The following REEP1 variants were observed in gnomAD, a reference collection of about 807,000 sequenced individuals.
REEP1 encodes receptor expression-enhancing protein 1.
REEP1 carries 22 observed loss-of-function variants against 40.3 expected under a neutral mutation model. The observed-to-expected ratio is 0.55, with a 90% CI of 0.39 to 0.78. REEP1 has a LOEUF of 0.78. Among genes scored for constraint, REEP1 ranks in the 30% least tolerant of loss-of-function variants. The probability of loss-of-function intolerance (pLI) is 0.00; values close to 1 mark genes in which losing one functional copy is unlikely to be tolerated. For missense variants in REEP1, 280 were observed against 361.1 expected (o/e 0.78, Z 1.82); for synonymous variants, 116 against 139.2 (o/e 0.83, Z 1.17).
intron 5 of REEP1, among the ~76,000 whole-genome samples, chr2:86,248,454 T>C (rs912644715): frequency 6.6e-6 from 1 of 152,040 alleles, no homozygotes; most frequent in Non-Finnish European, 1.5e-5. Flanking sequence ...TTTACTTATT[T>C]ATTTATTTAT....
chr2:86,227,421 C>G, intron 6 of REEP1, 23 bp from the exon 7 acceptor site: 2 of 1,232,308 alleles, frequency 1.6e-6, no homozygotes, highest in Non-Finnish European at 2.0e-6. Context: ...GGTAGGGGCA[C>G]CATCAGTGAC....
rs79385509 is a variant in REEP1, at chr2:86,219,039, G to T, written c.783+931C>A. 4.2e-3 allele frequency among the ~76,000 whole-genome samples: 634 copies of T among 152,322 alleles called. 10 individuals are homozygous for T. Among genetic ancestry groups the T allele is most frequent in the African/African-American group, 0.015 (613 of 41,566 alleles). On this transcript the variant is annotated intron_variant, in intron 8 of 8. Coordinates refer to ENST00000538924, the MANE Select transcript of REEP1 (RefSeq NM_001371279.1). ...CTGGGGTCCCTGCACCTGTGCTCAT[G>T]ACTGGTGACTCCCTACCCACATCAC...
chr2:86,323,439 CAGG>C (rs979728723), intron 1 of REEP1, among the ~76,000 whole-genome samples: 3 of 152,162 alleles, frequency 2.0e-5, no homozygotes, highest in Admixed American at 6.5e-5. Flanking sequence ...GGCTGCACAG[CAGG>C]AGGTGAGCAG....
chr2:86,326,190 A>C (rs181358844), intron 1 of REEP1, among the ~76,000 whole-genome samples: 2 of 152,310 alleles, frequency 1.3e-5, no homozygotes, highest in Admixed American at 1.3e-4. Context: ...ATGTGACCTC[A>C]TAAACTTCTC....
At chr2:86,271,661 A>G (rs1574064092) in intron 2 of REEP1, among the ~76,000 whole-genome samples, 1 of 152,232 alleles carries the variant, frequency 6.6e-6, no homozygotes, top group Non-Finnish European at 1.5e-5. Flanking sequence ...AGGTAGGTTT[A>G]GTCCATCAAA....
intron 3 of REEP1, among the ~76,000 whole-genome samples, chr2:86,258,847 C>G (rs1258105723): frequency 2.0e-5 from 3 of 152,314 alleles, no homozygotes; most frequent in African/African-American, 7.2e-5. Flanking sequence ...CACTGGAGCA[C>G]AGGGCAGTTG....
intron 5 of REEP1, among the ~76,000 whole-genome samples, chr2:86,244,131 C>T (rs1675808789): frequency 6.6e-6 from 1 of 152,144 alleles, no homozygotes; most frequent in Non-Finnish European, 1.5e-5. Context: ...GAAAGCAAAA[C>T]AAAGGCAAGG....
intron 1 of REEP1, among the ~76,000 whole-genome samples, chr2:86,283,057 C>T (rs1183907963): frequency 6.6e-6 from 1 of 152,162 alleles, no homozygotes; most frequent in Non-Finnish European, 1.5e-5. Context: ...ATCCCAGCTC[C>T]AATATGACTT....
intron 1 of REEP1, among the ~76,000 whole-genome samples, chr2:86,334,034 C>T (rs1680892661): frequency 1.3e-5 from 2 of 152,362 alleles, no homozygotes; most frequent in East Asian, 3.9e-4. Context: ...AGCCACTCTG[C>T]TTGTCCCCAG....
chr2:86,280,559 G>A (rs111844084), intron 2 of REEP1, among the ~76,000 whole-genome samples: 3,449 of 152,290 alleles, frequency 0.023, 70 homozygotes, highest in Middle Eastern at 0.051. Context: ...GGAGAGGGAG[G>A]GCTAGGAGAA....
At chr2:86,244,375 G>A (rs1286310696) in intron 5 of REEP1, among the ~76,000 whole-genome samples, 1 of 151,918 alleles carries the variant, frequency 6.6e-6, no homozygotes, top group Non-Finnish European at 1.5e-5. Flanking sequence ...AGGAAAGAGT[G>A]GGAAAATTTT....
intron 1 of REEP1, among the ~76,000 whole-genome samples, chr2:86,331,478 A>AGAAT (rs1265721040): frequency 6.6e-6 from 1 of 152,020 alleles, no homozygotes; most frequent in Non-Finnish European, 1.5e-5. Flanking sequence ...AGTATGCAGG[A>AGAAT]GAATGCCTAA....
chr2:86,327,502 C>G (rs11127029), intron 1 of REEP1, among the ~76,000 whole-genome samples: 102,160 of 151,338 alleles, frequency 0.68, 36,237 homozygotes, highest in East Asian at 0.91. Context: ...ATGGTAAGGA[C>G]TTTGAGTTTT....
chr2:86,236,751 T>C (rs1243248475), intron 5 of REEP1, among the ~76,000 whole-genome samples: 1 of 152,156 alleles, frequency 6.6e-6, no homozygotes, highest in African/African-American at 2.4e-5. Flanking sequence ...TTTTTTTTTT[T>C]TTCGAGATGG....
chr2:86,321,783 AG>A (rs912757166), intron 1 of REEP1, among the ~76,000 whole-genome samples: 35 of 152,238 alleles, frequency 2.3e-4, no homozygotes, highest in African/African-American at 8.2e-4. Context: ...ATCACTTGAG[AG>A]TGACAAAATA....
Position 86,252,178 on chromosome 2 carries a change from C to G in REEP1, c.304-108G>C. On this transcript the variant is annotated intron_variant, in intron 4 of 8. Transcript: ENST00000538924. The stretch of plus-strand genomic sequence containing the variant: ...CTTGGCAGCTTGCCCAATCCTTGTT[C>G]TTGCTGGGCCTGAAAAGCTGTAGGC... The G allele has an allele frequency of 3.7e-6, 3 of 809,810 alleles. No individual in the cohort carries two copies. The South Asian group carries it at 4.1e-5, about 11-fold the overall frequency. 50.2% of individuals were successfully genotyped at this position (809,810 alleles called of 1,614,324 possible).
At chr2:86,228,817 C>T (rs1674862431) in intron 6 of REEP1, among the ~76,000 whole-genome samples, 1 of 152,202 alleles carries the variant, frequency 6.6e-6, no homozygotes, top group Non-Finnish European at 1.5e-5. Context: ...ATTCTCCTTC[C>T]TCCTCAAGGA....
intron 2 of REEP1, among the ~76,000 whole-genome samples, chr2:86,277,100 T>A (rs980555354): frequency 2.0e-5 from 3 of 152,050 alleles, no homozygotes; most frequent in Non-Finnish European, 1.5e-5. Context: ...CTCACGCCAG[T>A]AGGAAATAGA....
At chr2:86,252,721 G>A (rs1676354148) in intron 4 of REEP1, among the ~76,000 whole-genome samples, 1 of 152,114 alleles carries the variant, frequency 6.6e-6, no homozygotes, top group Non-Finnish European at 1.5e-5. Flanking sequence ...CACCCCATTT[G>A]TATATCGATG....
Sources: gnomAD v4.1 joint callset for allele counts (sites outside exome capture counted in the v4.1 genomes callset) on GRCh38, gnomAD v4.1.1 for gene constraint, MANE v1.5 for transcripts, NCBI Gene and HGNC (gene_info 2026-07-23, HGNC 2026-07-21) for gene names.